The following ARHGAP24 variants were observed in gnomAD, a reference collection of about 807,000 sequenced individuals.
ARHGAP24 encodes rho GTPase-activating protein 24.
A neutral mutation model predicts 76.4 loss-of-function variants in ARHGAP24; 50 were observed. That is an observed-to-expected ratio of 0.65 (90% CI 0.52 to 0.83). The LOEUF (loss-of-function observed/expected upper bound fraction) is 0.83. ARHGAP24 is among the 40% of genes least tolerant of loss of function. ARHGAP24 has a pLI of 0.00. For missense variants in ARHGAP24, 930 were observed against 914.2 expected (o/e 1.02, Z -0.22); for synonymous variants, 345 against 323.3 (o/e 1.07, Z -0.72).
At chr4:85,990,329 C>A (rs1280870493) in intron 8 of ARHGAP24, 1 of 151,656 alleles carries the variant, frequency 6.6e-6, no homozygotes, top group East Asian at 1.9e-4. Flanking sequence ...TATTAGAATA[C>A]TCAATATTAT....
In ARHGAP24 at chr4:85,882,043, T is replaced by C. The variant is rs72970086; in HGVS notation, c.269-41605T>C. On this transcript the variant is annotated intron_variant, in intron 3 of 9. Transcript: ENST00000395184. The stretch of plus-strand genomic sequence containing the variant: ...CTTTTAAATATTGAAATTTGGAATT[T>C]GATGGGGGAAATAAAAATCAGAAGA... Among the ~76,000 whole-genome samples, 1,394 of 152,284 alleles carry C rather than the reference T, an allele frequency of 9.2e-3. 16 individuals are homozygous for C. Among genetic ancestry groups the C allele is most frequent in the East Asian group, 0.036 (184 of 5,174 alleles).
intron 3 of ARHGAP24, among the ~76,000 whole-genome samples, chr4:85,797,856 A>G (rs1258029215): frequency 1.3e-5 from 2 of 152,228 alleles, no homozygotes; most frequent in African/African-American, 2.4e-5. Flanking sequence ...ATCAGACTAA[A>G]GTAATTATTT....
At chr4:85,951,958 T>C (rs1160025604) in intron 5 of ARHGAP24, among the ~76,000 whole-genome samples, 2 of 139,818 alleles carry the variant, frequency 1.4e-5, no homozygotes, top group African/African-American at 2.7e-5. Flanking sequence ...TTAATTTGAA[T>C]ATTATTTAAT....
chr4:85,611,651 C>T (rs1022176203), intron 2 of ARHGAP24, among the ~76,000 whole-genome samples: 4 of 152,186 alleles, frequency 2.6e-5, no homozygotes, highest in South Asian at 2.1e-4. Context: ...TCCATGAACC[C>T]GATCCCTTCC....
chr4:85,879,933 A>C (rs1158606772), intron 3 of ARHGAP24, among the ~76,000 whole-genome samples: 1 of 152,076 alleles, frequency 6.6e-6, no homozygotes, highest in Non-Finnish European at 1.5e-5. Flanking sequence ...GATTCCTCCC[A>C]TGCGCAGTTC....
chr4:85,746,840 A>T (rs1726060213), intron 3 of ARHGAP24, among the ~76,000 whole-genome samples: 2 of 152,012 alleles, frequency 1.3e-5, no homozygotes, highest in Admixed American at 1.3e-4. Context: ...TTTTTAGTAG[A>T]GACGGGGTTT....
chr4:85,696,427 T>G (rs796582679), intron 2 of ARHGAP24, among the ~76,000 whole-genome samples: 145 of 152,260 alleles, frequency 9.5e-4, no homozygotes, highest in African/African-American at 3.3e-3. Flanking sequence ...ACACAATATT[T>G]TTACCATCAG....
intron 3 of ARHGAP24, among the ~76,000 whole-genome samples, chr4:85,768,841 C>A (rs2110077551): frequency 6.6e-6 from 1 of 152,240 alleles, no homozygotes; most frequent in South Asian, 2.1e-4. Flanking sequence ...AATTTCTCCT[C>A]TATCCTTTCA....
intron 3 of ARHGAP24, among the ~76,000 whole-genome samples, chr4:85,831,177 A>G (rs1729975871): frequency 1.3e-5 from 2 of 152,216 alleles, no homozygotes; most frequent in Non-Finnish European, 1.5e-5. Context: ...ATCATCATAA[A>G]TAATAAATAA....
At chr4:85,707,176 CTGAT>C (rs375796169) in intron 2 of ARHGAP24, among the ~76,000 whole-genome samples, 36 of 152,282 alleles carry the variant, frequency 2.4e-4, no homozygotes, top group African/African-American at 7.9e-4. Context: ...TCCTCCCAAA[CTGAT>C]TGATAGGATT....
intron 3 of ARHGAP24, among the ~76,000 whole-genome samples, chr4:85,789,875 T>A: frequency 6.6e-6 from 1 of 152,226 alleles, no homozygotes; most frequent in East Asian, 1.9e-4. Flanking sequence ...GACTATTGGA[T>A]TTTTGTATCT....
At chr4:85,580,450 C>A (rs1487041073) in intron 2 of ARHGAP24, among the ~76,000 whole-genome samples, 1 of 152,088 alleles carries the variant, frequency 6.6e-6, no homozygotes, top group Non-Finnish European at 1.5e-5. Context: ...TGGCAGTACA[C>A]CCCACAGCTT....
chr4:85,629,299 T>C (rs1055960390), intron 2 of ARHGAP24, among the ~76,000 whole-genome samples: 6 of 152,220 alleles, frequency 3.9e-5, no homozygotes, highest in African/African-American at 1.4e-4. Flanking sequence ...ATGTCTTTAA[T>C]ATATTGTGTA....
chr4:85,972,355 CAA>C, intron 6 of ARHGAP24, 187 bp downstream of exon 6: 1 of 681,262 alleles, frequency 1.5e-6, no homozygotes, highest in South Asian at 2.0e-5. Flanking sequence ...CCTCTCTGAT[CAA>C]AAAAAAAGAA....
At chr4:85,693,858 G>A (rs1723768382) in intron 2 of ARHGAP24, among the ~76,000 whole-genome samples, 1 of 152,188 alleles carries the variant, frequency 6.6e-6, no homozygotes, top group Non-Finnish European at 1.5e-5. Flanking sequence ...CAAGGCCCGT[G>A]GCTCCACGCC....
intron 2 of ARHGAP24, among the ~76,000 whole-genome samples, chr4:85,642,579 CACA>C: frequency 6.6e-6 from 1 of 151,834 alleles, no homozygotes; most frequent in African/African-American, 2.4e-5. Context: ...TTCTTTCTCT[CACA>C]ATAGCTCACA....
Position 86,000,668 on chromosome 4 carries a change from A to C in ARHGAP24, c.2193A>C (p.Glu731Asp). 1 of 1,614,012 alleles carries C rather than the reference A, an allele frequency of 6.2e-7. No homozygotes were observed. The highest frequency in any genetic ancestry group is 8.5e-7 in the Non-Finnish European group (1 of 1,179,938). The change falls in exon 10 of 10, where the codon GAA becomes GAC. Residue 731 changes from glutamate (E) to aspartate (D), a missense_variant. Coordinates refer to ENST00000395184, the MANE Select transcript of ARHGAP24 (RefSeq NM_001025616.3). ...AGCAGTTTTTTTCCACGTTTGGAGA[A>C]CTGACAGTGGAACCCAGGAGAACCG... ...EMEQFFSTFGELTVEPRRTER... is the reference protein window; with the variant it reads ...EMEQFFSTFGDLTVEPRRTER...
intron 2 of ARHGAP24, among the ~76,000 whole-genome samples, chr4:85,617,478 A>G (rs768425814): frequency 1.3e-5 from 2 of 151,888 alleles, no homozygotes; most frequent in Non-Finnish European, 2.9e-5. Context: ...GCTACACACT[A>G]TATATTTCAT....
chr4:85,516,720 G>A (rs1037107826), intron 1 of ARHGAP24, among the ~76,000 whole-genome samples: 3 of 150,556 alleles, frequency 2.0e-5, no homozygotes, highest in African/African-American at 7.3e-5. Context: ...ACATGTTGCA[G>A]ATGTTTTCTT....
Sources: allele counts gnomAD v4.1 joint callset (sites outside exome capture counted in the v4.1 genomes callset), GRCh38; gene constraint gnomAD v4.1.1; transcripts MANE v1.5; gene names NCBI Gene and HGNC (gene_info 2026-07-23, HGNC 2026-07-21).